SEMA6A: variants seen among roughly 807,000 people sequenced by gnomAD.
The protein encoded by SEMA6A is semaphorin-6A.
SEMA6A carries 25 observed loss-of-function variants against 96.8 expected under a neutral mutation model. That is an observed-to-expected ratio of 0.26 (90% confidence interval 0.19 to 0.36). The LOEUF (loss-of-function observed/expected upper bound fraction) is 0.36, where lower values mean the gene tolerates loss of function less well. SEMA6A is among the 10% of genes least tolerant of loss of function. SEMA6A has a pLI of 1.00. For synonymous variants in SEMA6A, 612 were observed against 518.0 expected (o/e 1.18, Z -2.46); for missense variants, 1,363 against 1,323.1 (o/e 1.03, Z -0.47).
At chr5:116,505,947 G>T (rs538681040) in intron 1 of SEMA6A, among the ~76,000 whole-genome samples, 1 of 151,172 alleles carries the variant, frequency 6.6e-6, no homozygotes, top group African/African-American at 2.4e-5. Flanking sequence ...AATAAGCATT[G>T]CTCTATCATG....
chr5:116,444,702 G>A lies in SEMA6A; in HGVS notation c.*1911C>T, dbSNP rs1006190521. On this transcript the variant is annotated 3_prime_UTR_variant, in exon 19 of 19. Coordinates refer to ENST00000343348, the MANE Select transcript of SEMA6A (RefSeq NM_020796.5). Reference sequence around the variant, plus strand: ...TAAAAAATCCTTTGCCCCAGTCAACGTTTTTGCAGCATCCATTGTGGTCGG... The same window carrying A: ...TAAAAAATCCTTTGCCCCAGTCAACATTTTTGCAGCATCCATTGTGGTCGG... The A allele has an allele frequency of 2.6e-5, 4 of 152,428 alleles. No individual in the cohort carries two copies. Among genetic ancestry groups the A allele is most frequent in the Admixed American group, 1.3e-4 (2 of 15,308 alleles). The allele number at this position is 152,428 out of a possible 1,614,324, so 9.4% of individuals were successfully genotyped here. A position where few individuals can be genotyped will look rare whatever the true frequency, so the allele number is the denominator to read the frequency against.
intron 1 of SEMA6A, among the ~76,000 whole-genome samples, chr5:116,551,351 CAT>C (rs1760402009): frequency 6.6e-6 from 1 of 151,398 alleles, no homozygotes; most frequent in Non-Finnish European, 1.5e-5. Context: ...CACACACACA[CAT>C]TCTCTTTGCA....
At chr5:116,525,076 T>G (rs1759161095) in intron 1 of SEMA6A, among the ~76,000 whole-genome samples, 1 of 152,238 alleles carries the variant, frequency 6.6e-6, no homozygotes, top group East Asian at 1.9e-4. Flanking sequence ...TCTCTGTGAC[T>G]AACTCAACCC....
At chr5:116,464,522 T>A (rs1474759810) in intron 18 of SEMA6A, among the ~76,000 whole-genome samples, 1 of 152,188 alleles carries the variant, frequency 6.6e-6, no homozygotes, top group Admixed American at 6.5e-5. Context: ...TCTCACGCTT[T>A]GTTAGTATGA....
intron 1 of SEMA6A, among the ~76,000 whole-genome samples, chr5:116,547,975 G>A (rs1300481790): frequency 6.6e-6 from 1 of 152,092 alleles, no homozygotes; most frequent in Non-Finnish European, 1.5e-5. Context: ...TTGTGCTGGG[G>A]ACTCTGACCT....
chr5:116,446,611 G>C lies in SEMA6A; in HGVS notation c.*2C>G. Reference sequence around the variant, plus strand: ...TCGACACCTGACCCCCTCCCCCTGGGATTATGTACACGCATCATTGGGCTT... The same window carrying C: ...TCGACACCTGACCCCCTCCCCCTGGCATTATGTACACGCATCATTGGGCTT... On this transcript the variant is annotated 3_prime_UTR_variant, in exon 19 of 19. Transcript: ENST00000343348. 6.8e-7 allele frequency: 1 copy of C among 1,479,254 alleles called. No homozygotes were observed. Among genetic ancestry groups the C allele is most frequent in the East Asian group, 2.4e-5 (1 of 42,040 alleles). 91.6% of individuals were successfully genotyped at this position (1,479,254 alleles called of 1,614,324 possible). A position where few individuals can be genotyped will look rare whatever the true frequency, so the allele number is the denominator to read the frequency against.
chr5:116,481,895 C>A (rs533982231), intron 11 of SEMA6A, among the ~76,000 whole-genome samples: 7 of 152,034 alleles, frequency 4.6e-5, no homozygotes, highest in African/African-American at 1.7e-4. Context: ...TGTATTTGGA[C>A]CCAAAACAGA....
intron 1 of SEMA6A, among the ~76,000 whole-genome samples, chr5:116,513,355 A>T (rs143483614): frequency 6.6e-6 from 1 of 151,956 alleles, no homozygotes; most frequent in Middle Eastern, 3.2e-3. Flanking sequence ...TCAAACTCCC[A>T]ACCTCAGGTG....
At chr5:116,506,457 G>GT (rs1264092716) in intron 1 of SEMA6A, among the ~76,000 whole-genome samples, 2 of 152,146 alleles carry the variant, frequency 1.3e-5, no homozygotes, top group Non-Finnish European at 2.9e-5. Context: ...ACATAAACAT[G>GT]TATTTATTAG....
intron 6 of SEMA6A, chr5:116,492,417 C>T (rs189308109): frequency 1.3e-5 from 2 of 152,346 alleles, no homozygotes; most frequent in Admixed American, 1.3e-4. Context: ...ATGGTGACTT[C>T]CTCTTTCCAA....
chr5:116,512,794 T>G (rs780226775), intron 1 of SEMA6A, among the ~76,000 whole-genome samples: 1 of 150,708 alleles, frequency 6.6e-6, no homozygotes, highest in Non-Finnish European at 1.5e-5. Context: ...TACAGTCTCA[T>G]GGCCCACTGG....
intron 2 of SEMA6A, chr5:116,502,612 C>T (rs1016156907): frequency 2.8e-5 from 9 of 327,166 alleles, no homozygotes; most frequent in Non-Finnish European, 5.1e-5. Context: ...GCTCAACTCG[C>T]TAGTGAACCC....
In SEMA6A at chr5:116,477,831, C is replaced by T. The variant is rs1373463173; in HGVS notation, c.1649+15G>A. ...GGAAGCCACTTCACCCTCTCCCACA[C>T]CTCAGGCTGCCTACCTGCTGTTGGG... On this transcript the variant is annotated intron_variant, in intron 15 of 18. Coordinates refer to ENST00000343348, the MANE Select transcript of SEMA6A (RefSeq NM_020796.5). 8.1e-6 allele frequency: 13 copies of T among 1,613,096 alleles called. No homozygotes were observed. Among genetic ancestry groups the T allele is most frequent in the Non-Finnish European group, 1.1e-5 (13 of 1,179,722 alleles).
intron 18 of SEMA6A, among the ~76,000 whole-genome samples, chr5:116,450,531 T>C (rs576736986): frequency 5.3e-5 from 8 of 152,218 alleles, no homozygotes; most frequent in Non-Finnish European, 1.2e-4. Context: ...CAAATATCAT[T>C]CTTCTTTCAT....
chr5:116,530,214 A>AT (rs918077739), intron 1 of SEMA6A, among the ~76,000 whole-genome samples: 1 of 152,184 alleles, frequency 6.6e-6, no homozygotes, highest in African/African-American at 2.4e-5. Context: ...CAGTGTTTAC[A>AT]TTACTTTCAT....
In SEMA6A at chr5:116,451,967, GAA is replaced by G. The variant is rs11327401; in HGVS notation, c.1895-4158_1895-4157del. On this transcript the variant is annotated intron_variant, in intron 18 of 18. Transcript: ENST00000343348. ...GTGCCCCAGTGGAACTGAATAATTAGAAAAAAAAAAAATGCATCTCTGCAAAG... is the reference window on the plus strand; with the variant it reads ...GTGCCCCAGTGGAACTGAATAATTAGAAAAAAAAAATGCATCTCTGCAAAG... Among the ~76,000 whole-genome samples the G allele has an allele frequency of 5.0e-4, 73 of 147,294 alleles. 2 individuals carry two copies. Among genetic ancestry groups the G allele is most frequent in the East Asian group, 2.2e-3 (11 of 5,050 alleles).
chr5:116,489,971 G>T (rs534900246), intron 7 of SEMA6A, among the ~76,000 whole-genome samples: 9 of 152,270 alleles, frequency 5.9e-5, no homozygotes, highest in Non-Finnish European at 1.0e-4. Flanking sequence ...TTCATTAGTT[G>T]TATGTCAAAG....
In SEMA6A at chr5:116,449,553, A is replaced by G. The variant is rs566823602; in HGVS notation, c.1895-1742T>C. 122 of 544,786 alleles carry G rather than the reference A, an allele frequency of 2.2e-4. 1 individual carries two copies. The South Asian group carries it at 2.8e-3, about 13-fold the overall frequency. 33.7% of individuals were successfully genotyped at this position (544,786 alleles called of 1,614,324 possible). A position where few individuals can be genotyped will look rare whatever the true frequency, so the allele number is the denominator to read the frequency against. ...GGGGTTTTTCTGCTAAAATATTTTG[A>G]TTTCTGAAGTGATGGTTTTAAAACC... On this transcript the variant is annotated intron_variant, in intron 18 of 18. Coordinates refer to ENST00000343348, the MANE Select transcript of SEMA6A (RefSeq NM_020796.5).
intron 3 of SEMA6A, chr5:116,498,893 T>A (rs1465327883): frequency 6.6e-6 from 1 of 152,192 alleles, no homozygotes; most frequent in African/African-American, 2.4e-5. Flanking sequence ...AACAACTGAT[T>A]AATATGCATT....
Sources: gnomAD v4.1 joint callset for allele counts (sites outside exome capture counted in the v4.1 genomes callset) on GRCh38, gnomAD v4.1.1 for gene constraint, MANE v1.5 for transcripts, NCBI Gene and HGNC (gene_info 2026-07-23, HGNC 2026-07-21) for gene names.